Variants in PCDH15 observed in about 807,000 individuals in gnomAD.
PCDH15 encodes the protein protocadherin related 15.
Under a neutral mutation model 178.5 loss-of-function variants are expected in PCDH15, and 129 were observed. The observed-to-expected ratio is 0.72, with a 90% CI of 0.63 to 0.84. The LOEUF (loss-of-function observed/expected upper bound fraction) is 0.84, where lower values mean the gene tolerates loss of function less well. Ranked by LOEUF, PCDH15 falls within the 40% of genes least tolerant of loss-of-function variation. The pLI is 0.00. For synonymous variants in PCDH15, 800 were observed against 732.0 expected (o/e 1.09, Z -1.50); for missense variants, 2,230 against 2,099.9 (o/e 1.06, Z -1.21).
intron 14 of PCDH15, among the ~76,000 whole-genome samples, chr10:54,140,472 CTT>C (rs546498025): frequency 3.4e-5 from 5 of 144,956 alleles, no homozygotes; most frequent in Admixed American, 6.9e-5. Context: ...TTTATTTCTG[CTT>C]TTTTTTTTTT....
chr10:53,908,237 T>G (rs988847572), intron 25 of PCDH15, among the ~76,000 whole-genome samples: 3 of 152,122 alleles, frequency 2.0e-5, no homozygotes, highest in Non-Finnish European at 4.4e-5. Flanking sequence ...CAGAACAGGC[T>G]CTTACCCCAA....
intron 4 of PCDH15, among the ~76,000 whole-genome samples, chr10:54,369,789 T>C (rs915080834): frequency 1.3e-5 from 2 of 152,036 alleles, no homozygotes; most frequent in Non-Finnish European, 2.9e-5. Flanking sequence ...CACATTTAAA[T>C]GCTTATTTTG....
At chr10:54,152,808 A>T (rs2044671213) in intron 14 of PCDH15, among the ~76,000 whole-genome samples, 1 of 152,122 alleles carries the variant, frequency 6.6e-6, no homozygotes, top group East Asian at 1.9e-4. Context: ...TGAAACCCTG[A>T]GACATTACAT....
intron 3 of PCDH15, among the ~76,000 whole-genome samples, chr10:54,449,709 TTAAG>T (rs1325883169): frequency 1.3e-5 from 2 of 151,836 alleles, no homozygotes; most frequent in African/African-American, 2.4e-5. Context: ...TTACATTGCA[TTAAG>T]TATTACAAGT....
intron 3 of PCDH15, among the ~76,000 whole-genome samples, chr10:54,875,404 T>C (rs1954122641): frequency 6.6e-6 from 1 of 152,140 alleles, no homozygotes; most frequent in Non-Finnish European, 1.5e-5. Flanking sequence ...TACCTTACAG[T>C]GACCCCCAAG....
chr10:54,528,064 A>C (rs1199827996), intron 2 of PCDH15, among the ~76,000 whole-genome samples, 187 bp from the exon 3 acceptor site: 3 of 152,090 alleles, frequency 2.0e-5, no homozygotes, highest in Non-Finnish European at 4.4e-5. Context: ...ACCACATCAT[A>C]ATACAGTCAC....
intron 1 of PCDH15, among the ~76,000 whole-genome samples, chr10:55,284,928 A>G (rs1842829343): frequency 6.6e-6 from 1 of 151,774 alleles, no homozygotes; most frequent in Non-Finnish European, 1.5e-5. Flanking sequence ...GATAAAGAAA[A>G]GAAATAGTCA....
At chr10:54,191,894 C>A (rs1727497916) in intron 11 of PCDH15, among the ~76,000 whole-genome samples, 1 of 148,260 alleles carries the variant, frequency 6.7e-6, no homozygotes, top group Admixed American at 6.8e-5. Flanking sequence ...GCACTCCAGC[C>A]TGGGTGACAG....
chr10:54,468,811 T>A (rs763479903), intron 3 of PCDH15, among the ~76,000 whole-genome samples: 1 of 152,194 alleles, frequency 6.6e-6, no homozygotes, highest in Non-Finnish European at 1.5e-5. Flanking sequence ...AATATTTGTT[T>A]TATATGTCTG....
At chr10:54,845,219 T>C (rs956753802) in intron 3 of PCDH15, among the ~76,000 whole-genome samples, 17 of 152,102 alleles carry the variant, frequency 1.1e-4, no homozygotes, top group African/African-American at 3.6e-4. Context: ...TAACTCATTA[T>C]GGCAAGAAAA....
chr10:54,381,389 G>C (rs1271627301), intron 3 of PCDH15, among the ~76,000 whole-genome samples: 3 of 152,014 alleles, frequency 2.0e-5, no homozygotes, highest in Non-Finnish European at 4.4e-5. Context: ...GACAATATTG[G>C]CAAGCAGCTA....
intron 28 of PCDH15, among the ~76,000 whole-genome samples, chr10:53,853,578 A>T (rs1282662648): frequency 6.6e-6 from 1 of 152,208 alleles, no homozygotes; most frequent in African/African-American, 2.4e-5. Context: ...CAACTAAAAT[A>T]AATCAAGTAA....
Position 54,023,011 on chromosome 10 carries a change from G to A in PCDH15, c.2407C>T (p.Leu803=), listed in dbSNP as rs1346492808. The stretch of plus-strand genomic sequence containing the variant: ...TCCAAAACCTTGATGGCCAAGGTTA[G>A]AGTTGAATGACGAGGGTGTACTGCT... ...DGAVHPRHST[L]TLAIKVLDID... The change falls in exon 19 of 38, where the codon CTA becomes TTA. Residue 803 remains leucine, a synonymous_variant. Transcript: ENST00000644397. The A allele has an allele frequency of 1.9e-6, 3 of 1,613,844 alleles. No homozygotes were observed. Among genetic ancestry groups the A allele is most frequent in the Middle Eastern group, 1.6e-4 (1 of 6,084 alleles).
At chr10:55,323,403 C>T (rs2132301989), upstream of PCDH15, among the ~76,000 whole-genome samples, 1 of 152,300 alleles carries the variant, frequency 6.6e-6, no homozygotes, top group South Asian at 2.1e-4. Flanking sequence ...CTACTGTGTG[C>T]TTGGAAAAGC....
At chr10:55,195,314 C>T (rs1051079515) in intron 1 of PCDH15, among the ~76,000 whole-genome samples, 7 of 151,684 alleles carry the variant, frequency 4.6e-5, no homozygotes, top group African/African-American at 1.7e-4. Context: ...TGAGCCACTG[C>T]GCCCGGCCAG....
intron 15 of PCDH15, among the ~76,000 whole-genome samples, chr10:54,125,279 A>G (rs1438350268): frequency 6.6e-5 from 10 of 152,164 alleles, no homozygotes; most frequent in Non-Finnish European, 1.2e-4. Context: ...TTCCAACAAG[A>G]AAAAGCCAGG....
At chr10:54,596,104 G>A (rs954370759) in intron 2 of PCDH15, among the ~76,000 whole-genome samples, 1 of 152,010 alleles carries the variant, frequency 6.6e-6, no homozygotes, top group Non-Finnish European at 1.5e-5. Flanking sequence ...TTCAGAAAAT[G>A]AAGAGAACTC....
At chr10:55,440,602 C>T (rs1418358700) in intron 2 of PCDH15, among the ~76,000 whole-genome samples, 1 of 152,030 alleles carries the variant, frequency 6.6e-6, no homozygotes, top group Non-Finnish European at 1.5e-5. Flanking sequence ...CACACCCAAA[C>T]TAATAAGGGG....
intron 8 of PCDH15, among the ~76,000 whole-genome samples, chr10:54,315,229 TTGAC>T (rs2061168259): frequency 1.3e-5 from 2 of 152,328 alleles, no homozygotes; most frequent in African/African-American, 4.8e-5. Context: ...AATAGTCATT[TTGAC>T]TGACTGTGCA....
Sources: allele counts gnomAD v4.1 joint callset (sites outside exome capture counted in the v4.1 genomes callset), GRCh38; gene constraint gnomAD v4.1.1; transcripts MANE v1.5; gene names NCBI Gene and HGNC (gene_info 2026-07-23, HGNC 2026-07-21).